NOVA1: variants seen among roughly 807,000 people sequenced by gnomAD.
NOVA1 encodes NOVA alternative splicing regulator 1.
In NOVA1, 7 loss-of-function variants were observed where a neutral mutation model predicts 38.0. The observed-to-expected ratio is 0.18, with a 90% CI of 0.10 to 0.35. The LOEUF (loss-of-function observed/expected upper bound fraction) is 0.35, where lower values mean the gene tolerates loss of function less well. Among genes scored for constraint, NOVA1 ranks in the 10% least tolerant of loss-of-function variants. The pLI is 1.00. For synonymous variants in NOVA1, 270 were observed against 232.5 expected (o/e 1.16, Z -1.47); for missense variants, 460 against 616.0 (o/e 0.75, Z 2.68).
At chr14:26,501,380 C>T (rs1226327295) in intron 2 of NOVA1, among the ~76,000 whole-genome samples, 5 of 151,726 alleles carry the variant, frequency 3.3e-5, no homozygotes, top group East Asian at 1.9e-4. Context: ...GATGTGGATT[C>T]GACTGCCTAT....
chr14:26,461,766 TAAAA>T (rs67979659), intron 4 of NOVA1, among the ~76,000 whole-genome samples: 1 of 125,926 alleles, frequency 7.9e-6, no homozygotes, highest in African/African-American at 3.0e-5. Context: ...CCATCTTTAC[TAAAA>T]AAAAAAAAAA....
At chr14:26,524,499 A>G (rs1889153851) in intron 2 of NOVA1, among the ~76,000 whole-genome samples, 1 of 152,118 alleles carries the variant, frequency 6.6e-6, no homozygotes, top group Non-Finnish European at 1.5e-5. Context: ...AATTCTACTC[A>G]ACATTAAAAT....
chr14:26,491,156 G>T (rs1473621635), intron 2 of NOVA1, among the ~76,000 whole-genome samples: 1 of 151,320 alleles, frequency 6.6e-6, no homozygotes, highest in Non-Finnish European at 1.5e-5. Flanking sequence ...GGCCACATCT[G>T]GCTAATTTTT....
chr14:26,559,354 T>C (rs1243609277), intron 2 of NOVA1, among the ~76,000 whole-genome samples: 1 of 152,152 alleles, frequency 6.6e-6, no homozygotes, highest in East Asian at 1.9e-4. Context: ...CTGGTTAGTA[T>C]AATTCTGAGA....
intron 2 of NOVA1, among the ~76,000 whole-genome samples, chr14:26,532,272 C>T (rs554523481): frequency 6.6e-6 from 1 of 152,208 alleles, no homozygotes; most frequent in South Asian, 2.1e-4. Context: ...TAGTCAAGAA[C>T]TAGAAACGAC....
chr14:26,560,284 T>C (rs1294567581), intron 2 of NOVA1, among the ~76,000 whole-genome samples: 1 of 152,128 alleles, frequency 6.6e-6, no homozygotes. Context: ...GGAAATGTGT[T>C]ACTGAAATCA....
intron 4 of NOVA1, among the ~76,000 whole-genome samples, chr14:26,453,177 T>TATGC (rs1292297704): frequency 3.0e-5 from 1 of 33,456 alleles, no homozygotes; most frequent in Non-Finnish European, 7.4e-5. Flanking sequence ...TGTATGTATG[T>TATGC]ATGTATGTAT....
At chr14:26,468,842 C>T (rs114331967) in intron 4 of NOVA1, among the ~76,000 whole-genome samples, 3 of 152,206 alleles carry the variant, frequency 2.0e-5, no homozygotes, top group African/African-American at 7.2e-5. Flanking sequence ...TTTATAAACA[C>T]ATATTTCTGA....
chr14:26,515,782 G>A (rs191569298), intron 2 of NOVA1, among the ~76,000 whole-genome samples: 22 of 151,964 alleles, frequency 1.4e-4, no homozygotes, highest in Admixed American at 3.9e-4. Flanking sequence ...AGTGATCTAC[G>A]CTTGAAATAT....
In NOVA1 at chr14:26,475,485, ATATAT is replaced by A. The variant is rs570750010; in HGVS notation, c.448-3099_448-3095del. On this transcript the variant is annotated intron_variant, in intron 3 of 4. Coordinates refer to ENST00000539517, the MANE Select transcript of NOVA1 (RefSeq NM_002515.3). ...AATATCCACATAACATTATATACTGATATATTAGTTAGAACAAAGCACACAGTCCT... is the reference window on the plus strand; with the variant it reads ...AATATCCACATAACATTATATACTGATAGTTAGAACAAAGCACACAGTCCT... Among the ~76,000 whole-genome samples, 8 of 152,354 alleles carry A rather than the reference ATATAT, an allele frequency of 5.3e-5. No individual in the cohort carries two copies. In the East Asian group the frequency reaches 1.2e-3, roughly 22 times the overall value.
intron 4 of NOVA1, among the ~76,000 whole-genome samples, chr14:26,455,305 C>A (rs554488085): frequency 6.6e-6 from 1 of 152,180 alleles, no homozygotes; most frequent in South Asian, 2.1e-4. Flanking sequence ...ATGTGCTGTT[C>A]TCCAGTCTTA....
chr14:26,540,586 A>G (rs1000679235), intron 2 of NOVA1, among the ~76,000 whole-genome samples: 1 of 152,258 alleles, frequency 6.6e-6, no homozygotes, highest in African/African-American at 2.4e-5. Flanking sequence ...GCATACTATA[A>G]GTAAAATTTG....
At chr14:26,459,257 T>G (rs541849719) in intron 4 of NOVA1, among the ~76,000 whole-genome samples, 2 of 152,140 alleles carry the variant, frequency 1.3e-5, no homozygotes, top group South Asian at 4.1e-4. Context: ...TTATTCTGTA[T>G]TTTTAATACT....
chr14:26,478,812 A>T (rs1178815414), intron 3 of NOVA1, among the ~76,000 whole-genome samples: 1 of 151,920 alleles, frequency 6.6e-6, no homozygotes, highest in Non-Finnish European at 1.5e-5. Context: ...TAATATGAAC[A>T]TTTTTGTATA....
In NOVA1 at chr14:26,511,267, A is replaced by AC. The variant is rs1254014272; in HGVS notation, c.281-31125dup. The stretch of plus-strand genomic sequence containing the variant: ...ATGAGGTCAAATTAATATTTTTTAT[A>AC]CTAAAAAAAATTATTTCAGATTATT... On this transcript the variant is annotated intron_variant, in intron 2 of 4. Coordinates refer to ENST00000539517, the MANE Select transcript of NOVA1 (RefSeq NM_002515.3). Among the ~76,000 whole-genome samples the AC allele has an allele frequency of 3.4e-5, 3 of 87,866 alleles. No homozygotes were observed. The Admixed American group carries it at 4.0e-4, about 12-fold the overall frequency. 57.6% of individuals were successfully genotyped at this position (87,866 alleles called of 152,430 possible).
rs140739829 is a variant in NOVA1 at position 26,565,884 on chromosome 14, C to A, written c.280+29526G>T. Among the ~76,000 whole-genome samples, 975 of 152,000 alleles carry A rather than the reference C, an allele frequency of 6.4e-3. 6 individuals carry two copies. The highest frequency in any genetic ancestry group is 9.3e-3 in the South Asian group (45 of 4,816). On this transcript the variant is annotated intron_variant, in intron 2 of 4. Coordinates refer to ENST00000539517, the MANE Select transcript of NOVA1 (RefSeq NM_002515.3). ...TTAAATAAATACTTTACAAAATGGG[C>A]TTTCATACAGAAAAAAATATAATGA...
At chr14:26,505,688 G>A (rs997281657) in intron 2 of NOVA1, among the ~76,000 whole-genome samples, 3 of 152,068 alleles carry the variant, frequency 2.0e-5, no homozygotes, top group African/African-American at 7.2e-5. Context: ...CACTATGTAG[G>A]AAAATGTTAA....
intron 3 of NOVA1, among the ~76,000 whole-genome samples, chr14:26,478,861 AT>A (rs985639063): frequency 4.6e-5 from 7 of 151,836 alleles, no homozygotes; most frequent in African/African-American, 1.4e-4. Flanking sequence ...ACATAAAGGG[AT>A]TTTTTTAAAA....
chr14:26,454,464 A>G lies in NOVA1; in HGVS notation c.520-5501T>C, dbSNP rs147163246. On this transcript the variant is annotated intron_variant, in intron 4 of 4. Transcript: ENST00000539517. The stretch of plus-strand genomic sequence containing the variant: ...TAGTGGCTATCTTACCACTATTATG[A>G]GAAGAGGAAGAACCTGACTGAAAAT... 3.3e-3 allele frequency among the ~76,000 whole-genome samples: 495 copies of G among 152,260 alleles called. 2 individuals are homozygous for G. Among genetic ancestry groups the G allele is most frequent in the African/African-American group, 0.011 (477 of 41,552 alleles).
Sources: allele counts gnomAD v4.1 joint callset (sites outside exome capture counted in the v4.1 genomes callset), GRCh38; gene constraint gnomAD v4.1.1; transcripts MANE v1.5; gene names NCBI Gene and HGNC (gene_info 2026-07-23, HGNC 2026-07-21).